Variants in CNTN5 observed in about 807,000 individuals in gnomAD.
CNTN5 encodes the protein contactin 5, also known as contactin-5.
CNTN5 carries 77 observed loss-of-function variants against 129.1 expected under a neutral mutation model. The ratio of observed to expected loss-of-function variants is 0.60; its 90% CI spans 0.50 to 0.72. CNTN5 has a LOEUF of 0.72. Among genes scored for constraint, CNTN5 ranks in the 30% least tolerant of loss-of-function variants. The pLI, the probability that CNTN5 is intolerant of heterozygous loss-of-function variation, is 0.00. For synonymous variants in CNTN5, 509 were observed against 465.6 expected, an observed-to-expected ratio of 1.09 and a Z score of -1.20; for missense variants, 1,478 against 1,328.8, an observed-to-expected ratio of 1.11 and a Z score of -1.75.
chr11:99,755,687 G>A (rs1320072811), intron 3 of CNTN5, among the ~76,000 whole-genome samples: 1 of 151,910 alleles, frequency 6.6e-6, no homozygotes, highest in Admixed American at 6.6e-5. Flanking sequence ...TCCTGCAAGT[G>A]TCTTTCATAG....
At chr11:99,587,512 G>A (rs1025560009) in intron 3 of CNTN5, among the ~76,000 whole-genome samples, 8 of 152,160 alleles carry the variant, frequency 5.3e-5, no homozygotes, top group African/African-American at 1.9e-4. Flanking sequence ...GTTTGATGCT[G>A]TTTGCTACTA....
At chr11:100,236,556 C>G (rs1181729825) in intron 16 of CNTN5, among the ~76,000 whole-genome samples, 1 of 152,168 alleles carries the variant, frequency 6.6e-6, no homozygotes, top group Non-Finnish European at 1.5e-5. Flanking sequence ...ACCTGGCTCT[C>G]AGCATAGAAA....
intron 3 of CNTN5, among the ~76,000 whole-genome samples, chr11:99,727,312 CAAAAAAAA>C (rs397936738): frequency 4.1e-5 from 1 of 24,312 alleles, no homozygotes; most frequent in South Asian, 2.8e-3. Context: ...GACTCCGTCT[CAAAAAAAA>C]AAAAAAAAAA....
intron 3 of CNTN5, among the ~76,000 whole-genome samples, chr11:99,629,160 G>A (rs1189765260): frequency 6.6e-6 from 1 of 151,974 alleles, no homozygotes; most frequent in African/African-American, 2.4e-5. Context: ...TGTTAGCATA[G>A]TAAGAGGCAA....
intron 21 of CNTN5, among the ~76,000 whole-genome samples, chr11:100,334,063 C>T (rs1951971478): frequency 1.3e-5 from 2 of 152,054 alleles, no homozygotes. Context: ...TCAGAATCTA[C>T]AGAGAACTCA....
intron 3 of CNTN5, among the ~76,000 whole-genome samples, chr11:99,612,679 T>C (rs1225116565): frequency 6.6e-6 from 1 of 152,230 alleles, no homozygotes; most frequent in Admixed American, 6.5e-5. Context: ...AACACAGGCA[T>C]TATCATTTAT....
chr11:99,830,105 A>G (rs1416906486), intron 4 of CNTN5, among the ~76,000 whole-genome samples: 2 of 152,104 alleles, frequency 1.3e-5, no homozygotes, highest in Admixed American at 1.3e-4. Context: ...TTCAAATTAG[A>G]TAGGTCAAAC....
At chr11:99,766,427 C>G (rs77684543) in intron 3 of CNTN5, among the ~76,000 whole-genome samples, 3,421 of 152,026 alleles carry the variant, frequency 0.023, 122 homozygotes, top group African/African-American at 0.077. Flanking sequence ...ATGAATTCCA[C>G]TAGATGGTAA....
chr11:99,477,268 C>A (rs928032916), intron 2 of CNTN5, among the ~76,000 whole-genome samples: 2 of 151,896 alleles, frequency 1.3e-5, no homozygotes, highest in Non-Finnish European at 2.9e-5. Flanking sequence ...AGTACCCCTA[C>A]ATAAGATGCA....
chr11:99,716,529 A>G (rs778919313), intron 3 of CNTN5, among the ~76,000 whole-genome samples: 26 of 152,004 alleles, frequency 1.7e-4, no homozygotes, highest in Non-Finnish European at 3.2e-4. Context: ...ATGCAGTCCC[A>G]TAAGACAACT....
chr11:99,320,822 C>T (rs1232946299), intron 1 of CNTN5, among the ~76,000 whole-genome samples: 1 of 152,010 alleles, frequency 6.6e-6, no homozygotes, highest in Non-Finnish European at 1.5e-5. Flanking sequence ...GACATTGGGT[C>T]AAACATTATT....
intron 3 of CNTN5, among the ~76,000 whole-genome samples, chr11:99,699,325 TAA>T (rs1401063837): frequency 1.3e-5 from 2 of 151,444 alleles, no homozygotes; most frequent in Non-Finnish European, 1.5e-5. Context: ...AATTAACATC[TAA>T]AAAACTTTTT....
chr11:99,295,672 C>G (rs190049140), intron 1 of CNTN5, among the ~76,000 whole-genome samples: 1,650 of 151,032 alleles, frequency 0.011, 39 homozygotes, highest in African/African-American at 0.038. Flanking sequence ...GTCAGGAGAT[C>G]GAGACCATCC....
intron 8 of CNTN5, among the ~76,000 whole-genome samples, chr11:99,986,238 T>G (rs1354009687): frequency 6.6e-6 from 1 of 152,258 alleles, no homozygotes; most frequent in East Asian, 1.9e-4. Context: ...CATCAATCTC[T>G]TGATCATGTA....
intron 9 of CNTN5, among the ~76,000 whole-genome samples, chr11:100,050,098 C>T (rs921072396): frequency 1.6e-4 from 24 of 152,088 alleles, no homozygotes; most frequent in African/African-American, 5.6e-4. Flanking sequence ...CTAGAAATAC[C>T]ATTTGACCCA....
intron 3 of CNTN5, among the ~76,000 whole-genome samples, chr11:99,584,401 A>G (rs1230011782): frequency 1.3e-5 from 2 of 152,144 alleles, no homozygotes; most frequent in Non-Finnish European, 2.9e-5. Context: ...GACCTTGGAG[A>G]TGCTCCAGAG....
chr11:100,141,092 T>C (rs1946685709), intron 13 of CNTN5, among the ~76,000 whole-genome samples: 1 of 152,044 alleles, frequency 6.6e-6, no homozygotes, highest in African/African-American at 2.4e-5. Context: ...AATATGACAG[T>C]ATGGTGATGA....
chr11:99,138,196 A>G (rs367974853), intron 1 of CNTN5, among the ~76,000 whole-genome samples: 1 of 152,184 alleles, frequency 6.6e-6, no homozygotes, highest in African/African-American at 2.4e-5. Context: ...TACACATACC[A>G]CAATCCAACA....
chr11:99,778,478 A>T (rs1945201276), intron 3 of CNTN5, among the ~76,000 whole-genome samples: 1 of 151,844 alleles, frequency 6.6e-6, no homozygotes, highest in Non-Finnish European at 1.5e-5. Context: ...GAATAGATGG[A>T]TAAAAGCTCT....
Sources: gnomAD v4.1 joint callset for allele counts (sites outside exome capture counted in the v4.1 genomes callset) on GRCh38, gnomAD v4.1.1 for gene constraint, MANE v1.5 for transcripts, NCBI Gene and HGNC (gene_info 2026-07-23, HGNC 2026-07-21) for gene names.